Variants in RYR2 observed in about 807,000 individuals in gnomAD.
The protein encoded by RYR2 is cardiac muscle ryanodine receptor-calcium release channel.
Under a neutral mutation model 601.1 loss-of-function variants are expected in RYR2, and 227 were observed. That is an observed-to-expected ratio of 0.38 (90% CI 0.34 to 0.42). RYR2 has a LOEUF of 0.42. RYR2 is among the 10% of genes least tolerant of loss of function. RYR2 has a pLI of 1.00. For missense variants in RYR2, 4,646 were observed against 6,156.5 expected, an observed-to-expected ratio of 0.75 and a Z score of 8.21; for synonymous variants, 2,223 against 2,175.1, an observed-to-expected ratio of 1.02 and a Z score of -0.61.
rs925308875 is a variant in RYR2, at chr1:237,423,182, C to T, written c.939C>T (p.Asn313=). 3.7e-6 allele frequency: 6 copies of T among 1,613,730 alleles called. No homozygotes were observed. Among genetic ancestry groups the T allele is most frequent in the African/African-American group, 2.7e-5 (2 of 74,900 alleles). Residue 313 remains asparagine, a synonymous_variant, in exon 12 of 105, where the codon AAC becomes AAT. Coordinates refer to ENST00000366574, the MANE Select transcript of RYR2 (RefSeq NM_001035.3). ...ACTTGAGTCTCATGGAAGACAAAAA[C>T]CTTCTACTCATGGACAAAGAGAAAG... The part of the protein sequence containing the change: ...GKYLSLMEDK[N]LLLMDKEKAD...
intron 1 of RYR2, among the ~76,000 whole-genome samples, chr1:237,095,678 T>C (rs1484389097): frequency 6.6e-6 from 1 of 152,180 alleles, no homozygotes; most frequent in African/African-American, 2.4e-5. Flanking sequence ...TTTTGGGAGA[T>C]GCTGACAACC....
At chr1:237,418,387 G>A (rs920153879) in intron 11 of RYR2, among the ~76,000 whole-genome samples, 1 of 152,130 alleles carries the variant, frequency 6.6e-6, no homozygotes, top group Non-Finnish European at 1.5e-5. Context: ...ATTATTGCCT[G>A]TCTAATGGTG....
chr1:237,158,558 C>A (rs1183732595), intron 1 of RYR2, among the ~76,000 whole-genome samples: 1 of 152,154 alleles, frequency 6.6e-6, no homozygotes, highest in Non-Finnish European at 1.5e-5. Context: ...CTTTTTCTCT[C>A]CTGTTTTCTT....
chr1:237,157,407 A>C (rs1206158179), intron 1 of RYR2, among the ~76,000 whole-genome samples: 1 of 152,124 alleles, frequency 6.6e-6, no homozygotes, highest in Admixed American at 6.6e-5. Flanking sequence ...AAACAACAGC[A>C]ATCAGTATAT....
intron 17 of RYR2, among the ~76,000 whole-genome samples, chr1:237,487,262 CA>C (rs1662780907): frequency 1.3e-5 from 2 of 152,178 alleles, no homozygotes; most frequent in East Asian, 1.9e-4. Flanking sequence ...TCCAAGTGTT[CA>C]AAGCATATAT....
At chr1:237,759,162 C>T (rs751877080) in intron 82 of RYR2, among the ~76,000 whole-genome samples, 14 of 152,216 alleles carry the variant, frequency 9.2e-5, no homozygotes, top group Non-Finnish European at 1.6e-4. Context: ...TCTCTGCTCA[C>T]TGCAACCTCC....
chr1:237,683,714 A>G (rs1686100347), intron 62 of RYR2, among the ~76,000 whole-genome samples: 2 of 152,174 alleles, frequency 1.3e-5, no homozygotes, highest in Admixed American at 6.5e-5. Context: ...CATTAATACT[A>G]AGAAGCTATT....
intron 1 of RYR2, among the ~76,000 whole-genome samples, chr1:237,194,564 G>C (rs2149016494): frequency 6.6e-6 from 1 of 152,306 alleles, no homozygotes; most frequent in African/African-American, 2.4e-5. Context: ...GTGCTGGGGT[G>C]ACAGAGTTAA....
At chr1:237,767,044 T>A (rs916810509) in intron 84 of RYR2, among the ~76,000 whole-genome samples, 2 of 89,512 alleles carry the variant, frequency 2.2e-5, no homozygotes, top group African/African-American at 8.7e-5. Flanking sequence ...TTCAAAGCAC[T>A]TTTAATTGTT....
intron 23 of RYR2, among the ~76,000 whole-genome samples, chr1:237,510,326 G>A (rs1390411844): frequency 2.6e-5 from 4 of 152,230 alleles, no homozygotes; most frequent in Admixed American, 6.5e-5. Flanking sequence ...TTGAGAAGAT[G>A]ATGGTGTTGG....
chr1:237,696,937 A>T (rs2461315), intron 63 of RYR2, among the ~76,000 whole-genome samples: 3 of 151,846 alleles, frequency 2.0e-5, no homozygotes, highest in Admixed American at 1.3e-4. Context: ...AATTTCCCAC[A>T]TAGGGAATTA....
At chr1:237,387,413 C>T in intron 9 of RYR2, 33 bp downstream of exon 9, 2 of 1,584,562 alleles carry the variant, frequency 1.3e-6, no homozygotes, top group Non-Finnish European at 1.7e-6. Context: ...AGGGCCTGTC[C>T]TTGCTGCAAA....
At chr1:237,081,031 C>CA (rs1665551740) in intron 1 of RYR2, among the ~76,000 whole-genome samples, 1 of 42,074 alleles carries the variant, frequency 2.4e-5, no homozygotes, top group East Asian at 5.6e-4. Flanking sequence ...ATCGCAAGAA[C>CA]AAAAAACCAA....
At chr1:237,613,517 A>C (rs1323890840) in intron 36 of RYR2, among the ~76,000 whole-genome samples, 6 of 152,162 alleles carry the variant, frequency 3.9e-5, no homozygotes, top group Non-Finnish European at 7.3e-5. Context: ...CCCAGTCTGG[A>C]GTACAGTGGC....
chr1:237,650,505 A>G (rs1682622456), intron 50 of RYR2, among the ~76,000 whole-genome samples: 1 of 152,260 alleles, frequency 6.6e-6, no homozygotes, highest in South Asian at 2.1e-4. Context: ...AAAATGTGAT[A>G]CAGCATAATA....
rs938460220 is a variant in RYR2 at position 237,819,934 on chromosome 1, C to T, written c.14590+742C>T. 6.6e-6 allele frequency among the ~76,000 whole-genome samples: 1 copy of T among 152,092 alleles called. No homozygotes were observed. Among genetic ancestry groups the T allele is most frequent in the Admixed American group, 6.6e-5 (1 of 15,262 alleles). On this transcript the variant is annotated intron_variant, in intron 101 of 104. Coordinates refer to ENST00000366574, the MANE Select transcript of RYR2 (RefSeq NM_001035.3). The surrounding 1 kb of genome is among the most constrained non-coding windows in gnomAD (Gnocchi z 4.0). ...AGGCGCAGGGGCTCACGCCTGTAAT[C>T]CCAGCACTTTGAGAGACTGAGGTGG...
At chr1:237,586,459 G>A (rs1214922271) in intron 29 of RYR2, among the ~76,000 whole-genome samples, 2 of 152,170 alleles carry the variant, frequency 1.3e-5, no homozygotes, top group African/African-American at 4.8e-5. Flanking sequence ...AGTTACAGAA[G>A]ATAGGATTAA....
Position 237,781,481 on chromosome 1 carries a change from A to G in RYR2, c.11881-84A>G, listed in dbSNP as rs1037588656. 1.7e-5 allele frequency: 12 copies of G among 698,860 alleles called. No individual in the cohort carries two copies. The African/African-American group carries it at 1.8e-4, about 10-fold the overall frequency. The allele number at this position is 698,860 out of a possible 1,614,324, so 43.3% of individuals were successfully genotyped here. ...AGTGGTTACTATTTATTGCCAGAGC[A>G]GCATCCTTTTTGTGAGAATAAGTAT... is the stretch of plus-strand genomic sequence containing the variant. On this transcript the variant is annotated intron_variant, in intron 88 of 104. Transcript: ENST00000366574.
At chr1:237,437,510 A>C (rs1707520418) in intron 12 of RYR2, among the ~76,000 whole-genome samples, 1 of 152,168 alleles carries the variant, frequency 6.6e-6, no homozygotes, top group Admixed American at 6.5e-5. Flanking sequence ...TGACATTTGC[A>C]GGCTGTTCTG....
Sources: gnomAD v4.1 joint callset for allele counts (sites outside exome capture counted in the v4.1 genomes callset) on GRCh38, gnomAD v4.1.1 for gene constraint, Gnocchi (gnomAD v3.1) non-coding constraint, MANE v1.5 for transcripts, NCBI Gene and HGNC (gene_info 2026-07-23, HGNC 2026-07-21) for gene names.